The following ANO4 variants were observed in gnomAD, a reference collection of about 807,000 sequenced individuals.
The protein encoded by ANO4 is anoctamin-4.
Under a neutral mutation model 141.9 loss-of-function variants are expected in ANO4, and 69 were observed. The ratio of observed to expected loss-of-function variants is 0.49; its 90% confidence interval spans 0.40 to 0.59. The LOEUF (loss-of-function observed/expected upper bound fraction) is 0.59. Ranked by LOEUF, ANO4 falls within the 20% of genes least tolerant of loss-of-function variation. The pLI is 0.00. For synonymous variants in ANO4, 350 were observed against 394.3 expected (o/e 0.89, Z 1.33); for missense variants, 894 against 1,162.2 (o/e 0.77, Z 3.36).
intron 1 of ANO4, among the ~76,000 whole-genome samples, chr12:100,839,166 G>C (rs2037103769): frequency 6.6e-6 from 1 of 151,912 alleles, no homozygotes; most frequent in Admixed American, 6.6e-5. Context: ...TACTTCTGCT[G>C]GCCAGGCCGT....
At chr12:100,792,934 T>G (rs1315851746), upstream of ANO4, among the ~76,000 whole-genome samples, 1 of 152,246 alleles carries the variant, frequency 6.6e-6, no homozygotes, top group Non-Finnish European at 1.5e-5. Flanking sequence ...TTTCAGAAAT[T>G]ATTTGTGCAT....
At chr12:100,969,646 A>G (rs908018248) in intron 5 of ANO4, among the ~76,000 whole-genome samples, 1 of 152,212 alleles carries the variant, frequency 6.6e-6, no homozygotes, top group Non-Finnish European at 1.5e-5. Flanking sequence ...CCCCAGCTAG[A>G]GGAAAAAGTT....
intron 22 of ANO4, among the ~76,000 whole-genome samples, chr12:101,102,175 C>T (rs73379494): frequency 6.6e-6 from 1 of 152,038 alleles, no homozygotes; most frequent in African/African-American, 2.4e-5. Flanking sequence ...ATAAATAATA[C>T]CTTTACGGCA....
At chr12:100,775,033 G>T (rs184564144) in intron 3 of ANO4, among the ~76,000 whole-genome samples, 190 of 152,330 alleles carry the variant, frequency 1.2e-3, no homozygotes, top group Non-Finnish European at 1.9e-3. Flanking sequence ...GGCAAAGAGA[G>T]AATTGTAATC....
intron 1 of ANO4, among the ~76,000 whole-genome samples, chr12:100,859,876 A>C (rs1434382924): frequency 6.6e-6 from 1 of 152,174 alleles, no homozygotes; most frequent in Non-Finnish European, 1.5e-5. Context: ...ATTTGTACAG[A>C]TATTAATGTT....
At chr12:101,086,383 C>G (rs2049500948) in intron 16 of ANO4, among the ~76,000 whole-genome samples, 1 of 152,112 alleles carries the variant, frequency 6.6e-6, no homozygotes, top group Admixed American at 6.6e-5. Context: ...ATTTGTCCAT[C>G]TGCTCAATGT....
intron 3 of ANO4, among the ~76,000 whole-genome samples, chr12:100,929,963 C>T (rs781639786): frequency 3.3e-5 from 5 of 152,044 alleles, no homozygotes; most frequent in Non-Finnish European, 5.9e-5. Flanking sequence ...TGCCTGTTTG[C>T]CATTTCTGTG....
intron 21 of ANO4, 76 bp from the exon 22 acceptor site, chr12:101,099,502 C>A: frequency 7.2e-7 from 1 of 1,391,682 alleles, no homozygotes. Flanking sequence ...TTTCTGTATT[C>A]AAACTCTCCT....
chr12:100,899,512 C>G (rs1169845751), intron 1 of ANO4, among the ~76,000 whole-genome samples: 1 of 152,224 alleles, frequency 6.6e-6, no homozygotes, highest in African/African-American at 2.4e-5. Context: ...AATTCTTGAA[C>G]TTAGTCTGTT....
chr12:100,912,459 G>A (rs1033104809), intron 2 of ANO4, among the ~76,000 whole-genome samples: 17 of 148,740 alleles, frequency 1.1e-4, no homozygotes, highest in East Asian at 7.9e-4. Flanking sequence ...GCTTGAATCC[G>A]GGAGACAGAG....
chr12:100,931,615 A>T (rs1195140366), intron 3 of ANO4, among the ~76,000 whole-genome samples: 1 of 152,198 alleles, frequency 6.6e-6, no homozygotes. Context: ...AATAGACCTG[A>T]AAATCATTAA....
chr12:101,016,106 A>G (rs968922401), intron 8 of ANO4, among the ~76,000 whole-genome samples: 1 of 152,190 alleles, frequency 6.6e-6, no homozygotes, highest in African/African-American at 2.4e-5. Context: ...TAAGGAGATG[A>G]GATTTAGTTT....
intron 1 of ANO4, among the ~76,000 whole-genome samples, chr12:100,891,925 C>G (rs1383028763): frequency 6.6e-6 from 1 of 152,166 alleles, no homozygotes; most frequent in African/African-American, 2.4e-5. Flanking sequence ...CTCCACCCCC[C>G]AGCTTTTGGT....
At chr12:100,858,950 AT>A (rs2135881468) in intron 1 of ANO4, 1 of 152,334 alleles carries the variant, frequency 6.6e-6, no homozygotes, top group East Asian at 1.9e-4. Context: ...AAAAGAAGTC[AT>A]TATGTATCTG....
intron 22 of ANO4, among the ~76,000 whole-genome samples, chr12:101,102,374 T>C (rs1328059103): frequency 6.6e-6 from 1 of 152,204 alleles, no homozygotes; most frequent in Non-Finnish European, 1.5e-5. Flanking sequence ...TTCCACAAAC[T>C]TACTAAAACT....
In ANO4 at chr12:100,759,578, G is replaced by A. The variant is rs561500088; in HGVS notation, c.358+19473G>A. Among the ~76,000 whole-genome samples the A allele has an allele frequency of 2.0e-5, 3 of 152,314 alleles. No individual in the cohort carries two copies. The South Asian group carries it at 6.2e-4, about 32-fold the overall frequency. ...GAACCCTCCCACATGCCTGCTAAATGGGAGCTATGCTGCTTCCTTCATTCC... is the reference window on the plus strand; with the variant it reads ...GAACCCTCCCACATGCCTGCTAAATAGGAGCTATGCTGCTTCCTTCATTCC... On this transcript the variant is annotated intron_variant, in intron 3 of 29. Transcript: ENST00000644049.
intron 6 of ANO4, among the ~76,000 whole-genome samples, chr12:100,972,608 T>A (rs2043979305): frequency 6.6e-6 from 1 of 152,142 alleles, no homozygotes; most frequent in African/African-American, 2.4e-5. Context: ...TAGGGAGAGA[T>A]AAGGAATGTC....
chr12:101,064,486 G>A (rs1443741375), intron 14 of ANO4, among the ~76,000 whole-genome samples: 2 of 152,022 alleles, frequency 1.3e-5, no homozygotes, highest in African/African-American at 4.8e-5. Context: ...TGGACACGCG[G>A]AGGGGAACAT....
intron 2 of ANO4, among the ~76,000 whole-genome samples, chr12:100,921,269 T>G (rs1227187165): frequency 6.6e-6 from 1 of 152,108 alleles, no homozygotes; most frequent in Non-Finnish European, 1.5e-5. Context: ...TCAGGTGTTT[T>G]ACTCCTAGAA....
Sources: gnomAD v4.1 joint callset for allele counts (sites outside exome capture counted in the v4.1 genomes callset) on GRCh38, gnomAD v4.1.1 for gene constraint, MANE v1.5 for transcripts, NCBI Gene and HGNC (gene_info 2026-07-23, HGNC 2026-07-21) for gene names.